Variants in AHCTF1 observed in about 807,000 individuals in gnomAD.
AHCTF1 encodes protein ELYS.
A neutral mutation model predicts 248.4 loss-of-function variants in AHCTF1; 24 were observed. The ratio of observed to expected loss-of-function variants is 0.10; its 90% CI spans 0.07 to 0.14. AHCTF1 has a LOEUF of 0.14. Ranked by LOEUF, AHCTF1 falls within the 10% of genes least tolerant of loss-of-function variation. The probability of loss-of-function intolerance (pLI) is 1.00; values close to 1 mark genes in which losing one functional copy is unlikely to be tolerated. For synonymous variants in AHCTF1, 786 were observed against 929.8 expected (o/e 0.85, Z 2.81); for missense variants, 2,206 against 2,636.2 (o/e 0.84, Z 3.57).
chr1:246,894,161 A>G (rs577920863), intron 14 of AHCTF1, among the ~76,000 whole-genome samples: 2 of 152,322 alleles, frequency 1.3e-5, no homozygotes, highest in Admixed American at 1.3e-4. Flanking sequence ...CCATGAACTC[A>G]CCACTGTACT....
chr1:246,912,312 T>TA (rs539206612), intron 4 of AHCTF1, among the ~76,000 whole-genome samples: 1,683 of 141,668 alleles, frequency 0.012, 15 homozygotes, highest in Middle Eastern at 0.014. Flanking sequence ...CCATCTCTAC[T>TA]AAAAAAAAAA....
chr1:246,886,786 T>G (rs970638312), intron 20 of AHCTF1, among the ~76,000 whole-genome samples: 1 of 152,212 alleles, frequency 6.6e-6, no homozygotes, highest in Non-Finnish European at 1.5e-5. Context: ...ACACAGATAC[T>G]GAATGATAAC....
chr1:246,874,960 A>G (rs1169026869), intron 24 of AHCTF1, among the ~76,000 whole-genome samples: 1 of 152,168 alleles, frequency 6.6e-6, no homozygotes, highest in Non-Finnish European at 1.5e-5. Context: ...GCCTCCTGCT[A>G]TTTAGCCAGT....
chr1:246,862,411 T>C (rs1465161961), intron 27 of AHCTF1, among the ~76,000 whole-genome samples: 5 of 148,854 alleles, frequency 3.4e-5, no homozygotes, highest in Non-Finnish European at 7.4e-5. Context: ...ACCCGGGAGG[T>C]GGAGCTTGCA....
chr1:246,896,690 C>A (rs924690481), intron 12 of AHCTF1, among the ~76,000 whole-genome samples: 1 of 152,170 alleles, frequency 6.6e-6, no homozygotes, highest in Non-Finnish European at 1.5e-5. Flanking sequence ...CTGAACTGTA[C>A]ACTTGAAATA....
chr1:246,853,259 G>C lies in AHCTF1; in HGVS notation c.4395C>G (p.Leu1465=). The C allele has an allele frequency of 6.2e-7, 1 of 1,613,808 alleles. No individual in the cohort carries two copies. The highest frequency in any genetic ancestry group is 8.5e-7 in the Non-Finnish European group (1 of 1,179,880). Residue 1465 remains leucine, a synonymous_variant, in exon 32 of 36, where the codon CTC becomes CTG. Transcript: ENST00000648844. ...AGACAATAGGACCTTCAGAGATAGT[G>C]AGCGAGGAGTTTCCACCATCACCAA... ...DVLGDGGNSS[L]TISEGPIVSE...
intron 34 of AHCTF1, among the ~76,000 whole-genome samples, 169 bp from the exon 35 acceptor site, chr1:246,842,945 C>T (rs1659987563): frequency 6.6e-6 from 1 of 152,132 alleles, no homozygotes; most frequent in African/African-American, 2.4e-5. Flanking sequence ...GTTATGCAGG[C>T]CTGTTCTTTA....
At chr1:246,854,824 G>A (rs879551782) in intron 31 of AHCTF1, among the ~76,000 whole-genome samples, 3 of 152,080 alleles carry the variant, frequency 2.0e-5, no homozygotes, top group Non-Finnish European at 4.4e-5. Context: ...CCACACATTC[G>A]GGTTCAGCCC....
rs575891177 is a variant in AHCTF1, at chr1:246,889,613, TCC to T, written c.2144+351_2144+352del. 4.2e-3 allele frequency among the ~76,000 whole-genome samples: 642 copies of T among 152,298 alleles called. 6 individuals carry two copies. Among genetic ancestry groups the T allele is most frequent in the African/African-American group, 0.015 (623 of 41,560 alleles). ...CCGGCACAGATTTTAAAGTACTGATTCCCAGGTGATTCAGGTGTAAGAAACCT... is the reference window on the plus strand; with the variant it reads ...CCGGCACAGATTTTAAAGTACTGATTCAGGTGATTCAGGTGTAAGAAACCT... On this transcript the variant is annotated intron_variant, in intron 17 of 35. Coordinates refer to ENST00000648844, the MANE Select transcript of AHCTF1 (RefSeq NM_001323342.2).
At chr1:246,858,503 G>C (rs972473707) in intron 29 of AHCTF1, among the ~76,000 whole-genome samples, 1 of 152,118 alleles carries the variant, frequency 6.6e-6, no homozygotes, top group Non-Finnish European at 1.5e-5. Flanking sequence ...TATAGAGTTT[G>C]TGTTGTATGA....
rs192835030 is a variant in AHCTF1, at chr1:246,850,122, G to C, written c.5884C>G (p.Gln1962Glu). Residue 1962 changes from glutamine (Q) to glutamate (E), a missense_variant, in exon 33 of 36, where the codon CAA (glutamine) becomes GAA (glutamate). Physicochemically the swap from Gln to Glu is conservative, Grantham distance 29. Coordinates refer to ENST00000648844, the MANE Select transcript of AHCTF1 (RefSeq NM_001323342.2). Reference sequence around the variant, plus strand: ...ATGGCAGACATATCAAATTCTGCTTGAACAGTCAACTGAGATGACTCAAGG... The same window carrying C: ...ATGGCAGACATATCAAATTCTGCTTCAACAGTCAACTGAGATGACTCAAGG... ...SNLESSQLTV[Q>E]AEFDMSAIPR... is the part of the protein sequence containing the mutation. The C allele has an allele frequency of 3.0e-5, 48 of 1,613,898 alleles. No homozygotes were observed. The East Asian group carries it at 8.5e-4, about 28-fold the overall frequency.
intron 16 of AHCTF1, among the ~76,000 whole-genome samples, chr1:246,890,579 A>G (rs1448265662): frequency 1.3e-5 from 2 of 152,164 alleles, no homozygotes; most frequent in East Asian, 3.8e-4. Context: ...AATTGAAGAA[A>G]TATTAGTCAG....
At chr1:246,893,075 A>G (rs1664330376) in intron 14 of AHCTF1, among the ~76,000 whole-genome samples, 1 of 152,224 alleles carries the variant, frequency 6.6e-6, no homozygotes, top group African/African-American at 2.4e-5. Context: ...CTACCAAGTT[A>G]AACCCCCAAC....
chr1:246,931,001 G>C, intron 1 of AHCTF1: 1 of 1,332,362 alleles, frequency 7.5e-7, no homozygotes, highest in Non-Finnish European at 1.0e-6. Context: ...TTCCCAGGTA[G>C]GAAAAAGGAA....
Position 246,864,517 on chromosome 1 carries a change from C to CTACA in AHCTF1, c.3348-405_3348-402dup, listed in dbSNP as rs111574615. On this transcript the variant is annotated intron_variant, in intron 26 of 35. Coordinates refer to ENST00000648844, the MANE Select transcript of AHCTF1 (RefSeq NM_001323342.2). ...ATTAACATGCAAAATATCCATTCAC[C>CTACA]TACATGTAATATATATAATGAATAT... Among the ~76,000 whole-genome samples the CTACA allele has an allele frequency of 3.4e-3, 512 of 152,028 alleles. 2 individuals carry two copies. Among genetic ancestry groups the CTACA allele is most frequent in the African/African-American group, 0.012 (491 of 41,360 alleles).
chr1:246,923,087 A>T (rs1262453408), intron 1 of AHCTF1, among the ~76,000 whole-genome samples: 1 of 147,014 alleles, frequency 6.8e-6, no homozygotes, highest in South Asian at 2.1e-4. Context: ...ATGAAGAAGA[A>T]GTTATTTAAT....
At chr1:246,875,924 C>A in intron 24 of AHCTF1, 113 bp downstream of exon 24, 1 of 973,524 alleles carries the variant, frequency 1.0e-6, no homozygotes, top group South Asian at 2.0e-5. Context: ...ATCTCCAAGG[C>A]ATGCCTGTAT....
chr1:246,919,428 A>C (rs1666364432), intron 1 of AHCTF1, among the ~76,000 whole-genome samples: 1 of 152,178 alleles, frequency 6.6e-6, no homozygotes, highest in Non-Finnish European at 1.5e-5. Context: ...GGAAATCCTC[A>C]AGAGGCCGGG....
At chr1:246,857,610 T>C (rs781125720) in intron 30 of AHCTF1, 81 bp downstream of exon 30, 2 of 1,425,706 alleles carry the variant, frequency 1.4e-6, no homozygotes, top group Non-Finnish European at 1.9e-6. Context: ...AAATCTAACA[T>C]GCACAGAATA....
Sources: allele counts gnomAD v4.1 joint callset (sites outside exome capture counted in the v4.1 genomes callset), GRCh38; gene constraint gnomAD v4.1.1; transcripts MANE v1.5; gene names NCBI Gene and HGNC (gene_info 2026-07-23, HGNC 2026-07-21).